Variants in RFX1 observed in about 807,000 individuals in gnomAD.
RFX1 encodes the protein MHC class II regulatory factor RFX1.
Under a neutral mutation model 119.6 loss-of-function variants are expected in RFX1, and 42 were observed. The observed-to-expected ratio is 0.35, with a 90% confidence interval of 0.27 to 0.45. The LOEUF is 0.45. Ranked by LOEUF, RFX1 falls within the 20% of genes least tolerant of loss-of-function variation. The pLI is 1.00. For synonymous variants in RFX1, 628 were observed against 618.5 expected (o/e 1.02, Z -0.23); for missense variants, 1,118 against 1,368.1 (o/e 0.82, Z 2.88).
chr19:13,991,550 C>T (rs1470702092), intron 2 of RFX1, among the ~76,000 whole-genome samples: 1 of 152,208 alleles, frequency 6.6e-6, no homozygotes, highest in African/African-American at 2.4e-5. Flanking sequence ...CGCCCCAAAC[C>T]TCTGCCAGAG....
chr19:13,979,493 T>G lies in RFX1; in HGVS notation c.788A>C (p.Gln263Pro), dbSNP rs1469541067. The stretch of plus-strand genomic sequence containing the variant: ...CTGGAGGCCCTGCACGGTCAGCGGC[T>G]GCACCGGGCCGGGTTTGGGCGCTTG... ...TPQAPKPGPV[Q>P]PLTVQGLQPV... Residue 263 changes from glutamine (Q) to proline (P), a missense_variant, in exon 7 of 21, where the codon CAG (glutamine) becomes CCG (proline). Gln to Pro is a moderately conservative substitution (Grantham distance 76). Transcript: ENST00000254325. The G allele has an allele frequency of 6.2e-7, 1 of 1,603,142 alleles. No individual in the cohort carries two copies. Among genetic ancestry groups the G allele is most frequent in the African/African-American group, 1.3e-5 (1 of 74,504 alleles).
rs1286682270 is a variant in RFX1, at chr19:13,986,269, G to A, written c.320-2674C>T. Among the ~76,000 whole-genome samples the A allele has an allele frequency of 2.0e-5, 3 of 152,136 alleles. No homozygotes were observed. Among genetic ancestry groups the A allele is most frequent in the South Asian group, 2.1e-4 (1 of 4,830 alleles). The stretch of plus-strand genomic sequence containing the variant: ...CCTCTCCAGGGCTCAGGGGCTGGTC[G>A]CTGAGCAGGACCTACAGCAGGAGGA... On this transcript the variant is annotated intron_variant, in intron 2 of 20. Transcript: ENST00000254325. This position sits in a 1 kb window ranked among gnomAD's most constrained non-coding sequence, Gnocchi z 4.2.
intron 3 of RFX1, 43 bp from the exon 4 acceptor site, chr19:13,983,313 A>G (rs1204962938): frequency 2.7e-6 from 4 of 1,496,280 alleles, no homozygotes; most frequent in Non-Finnish European, 3.6e-6. Flanking sequence ...CACTTCCCCC[A>G]GGGAGGCCTG....
chr19:13,995,004 A>G (rs986138946), intron 1 of RFX1, among the ~76,000 whole-genome samples: 8 of 144,038 alleles, frequency 5.6e-5, no homozygotes, highest in Non-Finnish European at 9.0e-5. Context: ...CCTGGGCTCA[A>G]GCAATCCTCC....
intron 1 of RFX1, among the ~76,000 whole-genome samples, chr19:13,996,426 A>T (rs1167340520): frequency 6.6e-6 from 1 of 152,222 alleles, no homozygotes; most frequent in Non-Finnish European, 1.5e-5. Flanking sequence ...ATGTGCCCAG[A>T]TGGCCCTCCA....
chr19:14,004,073 T>G (rs887373377), intron 1 of RFX1, among the ~76,000 whole-genome samples: 4 of 152,120 alleles, frequency 2.6e-5, no homozygotes, highest in African/African-American at 9.7e-5. Flanking sequence ...CACGCCTGGC[T>G]AATTTTTTTA....
At chr19:13,982,300 AG>A in intron 4 of RFX1, 72 bp from the exon 5 acceptor site, 5 of 825,018 alleles carry the variant, frequency 6.1e-6, no homozygotes, top group South Asian at 5.7e-5. Flanking sequence ...GCATCTGCGC[AG>A]TGCCAGGTGA....
Position 13,969,969 on chromosome 19 carries a change from G to A in RFX1, c.1496+25C>T. On this transcript the variant is annotated intron_variant, in intron 10 of 20. Coordinates refer to ENST00000254325, the MANE Select transcript of RFX1 (RefSeq NM_002918.5). The surrounding 1 kb of genome is among the most constrained non-coding windows in gnomAD (Gnocchi z 4.5). The stretch of plus-strand genomic sequence containing the variant: ...CATGCCCACCAATTCCCCAGGGACT[G>A]CTGGGAGTAGACGGATGGCCCTACC... The A allele has an allele frequency of 6.3e-7, 1 of 1,584,190 alleles. No homozygotes were observed. The highest frequency in any genetic ancestry group is 8.6e-7 in the Non-Finnish European group (1 of 1,162,978).
At position 13,969,733 on chromosome 19, in the gene RFX1, G is replaced by A. The variant is rs989941370; in HGVS notation, c.1496+261C>T. On this transcript the variant is annotated intron_variant, in intron 10 of 20. Transcript: ENST00000254325. This position sits in a 1 kb window ranked among gnomAD's most constrained non-coding sequence, Gnocchi z 4.5. ...AAATAAAGCAGGGTTGGGGGGTGTC[G>A]GGCAGGGGAGAGGGGGAGGCTGCAG... The A allele has an allele frequency of 1.6e-5, 7 of 430,168 alleles. No individual in the cohort carries two copies. Among genetic ancestry groups the A allele is most frequent in the Admixed American group, 7.9e-5 (2 of 25,468 alleles). The allele number at this position is 430,168 out of a possible 1,614,324, so 26.6% of individuals were successfully genotyped here.
intron 2 of RFX1, among the ~76,000 whole-genome samples, chr19:13,992,547 C>T (rs1299383499): frequency 6.6e-6 from 1 of 152,204 alleles, no homozygotes; most frequent in Non-Finnish European, 1.5e-5. Context: ...CTGCCCAAAA[C>T]AACAGGGCGG....
rs1973723039 is a variant in RFX1 at position 13,962,513 on chromosome 19, G to A, written c.*182C>T. 5.3e-6 allele frequency: 3 copies of A among 569,754 alleles called. No individual in the cohort carries two copies. Among genetic ancestry groups the A allele is most frequent in the Non-Finnish European group, 9.0e-6 (3 of 333,400 alleles). The allele number at this position is 569,754 out of a possible 1,614,324, so 35.3% of individuals were successfully genotyped here. A position where few individuals can be genotyped will look rare whatever the true frequency, so the allele number is the denominator to read the frequency against. On this transcript the variant is annotated 3_prime_UTR_variant, in exon 21 of 21. Coordinates refer to ENST00000254325, the MANE Select transcript of RFX1 (RefSeq NM_002918.5). ...TTTTGTGTCAGAGTTTGCAGCTGCG[G>A]CTCCGCCCAGCCCACTGATTGTGCC...
At position 13,963,915 on chromosome 19, in the gene RFX1, G is replaced by T; in HGVS notation, c.2304C>A (p.Thr768=). 6.5e-7 allele frequency: 1 copy of T among 1,550,098 alleles called. No homozygotes were observed. ...CGCTCAGCATCTGGTTGATCTGTGC[G>T]GTGTTCTGCAGCACAGCGCGCGCCG... is the stretch of plus-strand genomic sequence containing the variant. ...AQAARAVLQN[T]AQINQMLSDL... The change falls in exon 17 of 21, where the codon ACC becomes ACA. Residue 768 remains threonine (T), a synonymous_variant. Transcript: ENST00000254325.
rs777338298 is a variant in RFX1 at position 13,965,647 on chromosome 19, C to T, written c.2092G>A (p.Asp698Asn). The T allele has an allele frequency of 3.3e-5, 53 of 1,613,466 alleles. No homozygotes were observed. Among genetic ancestry groups the T allele is most frequent in the Non-Finnish European group, 4.2e-5 (50 of 1,179,898 alleles). ...YQGLVEILIP[D>N]VLRPIPSALT... ...TCACTGGGGATGGGCCGCAGCACGTCGGGAATGAGGATTTCCACCAGGCCC... is the reference window on the plus strand; with the variant it reads ...TCACTGGGGATGGGCCGCAGCACGTTGGGAATGAGGATTTCCACCAGGCCC... Residue 698 changes from aspartate (D) to asparagine (N), a missense_variant, in exon 15 of 21, where the codon GAC becomes AAC. This residue lies in a region of RFX1 where 338 missense variants were observed against 508.9 expected (regional missense o/e 0.66). Coordinates refer to ENST00000254325, the MANE Select transcript of RFX1 (RefSeq NM_002918.5). This position sits in a 1 kb window ranked among gnomAD's most constrained non-coding sequence, Gnocchi z 4.7.
At chr19:13,983,129 G>A in intron 4 of RFX1, 58 bp downstream of exon 4, 1 of 1,298,490 alleles carries the variant, frequency 7.7e-7, no homozygotes, top group Non-Finnish European at 1.1e-6. Context: ...GCCACAGGGG[G>A]TTGGTCCTCC....
Position 13,983,573 on chromosome 19 carries a change from C to G in RFX1, c.342G>C (p.Glu114Asp). Residue 114 changes from glutamate (E) to aspartate (D), a missense_variant, in exon 3 of 21, where the codon GAG becomes GAC. Transcript: ENST00000254325. Reference protein sequence around the residue: ...TVSEGAMRASETVSEASPGST... With the variant: ...TVSEGAMRASDTVSEASPGST... ...AGCCGGGGCTGGCCTCCGACACTGT[C>G]TCGCTGGCCCGCATGGCACCTTCTG... The G allele has an allele frequency of 1.2e-6, 2 of 1,607,472 alleles. No homozygotes were observed. Among genetic ancestry groups the G allele is most frequent in the African/African-American group, 1.3e-5 (1 of 75,018 alleles).
chr19:13,971,600 T>C (rs1044300426), intron 9 of RFX1, among the ~76,000 whole-genome samples: 1 of 152,154 alleles, frequency 6.6e-6, no homozygotes, highest in African/African-American at 2.4e-5. Flanking sequence ...TCTGCCCTCA[T>C]TATCTATTCT....
At chr19:13,995,626 G>T (rs950769986) in intron 1 of RFX1, among the ~76,000 whole-genome samples, 2 of 152,122 alleles carry the variant, frequency 1.3e-5, no homozygotes, top group Non-Finnish European at 2.9e-5. Flanking sequence ...CAGGGTGGCT[G>T]GATCACCTGA....
chr19:13,964,093 C>A, intron 16 of RFX1, 86 bp from the exon 17 acceptor site: 1 of 1,361,208 alleles, frequency 7.3e-7, no homozygotes, highest in Non-Finnish European at 9.7e-7. Flanking sequence ...CCTCCCTAAG[C>A]CTGTTTCCTT....
chr19:13,964,656 A>G (rs894536475), intron 16 of RFX1, among the ~76,000 whole-genome samples: 1 of 151,844 alleles, frequency 6.6e-6, no homozygotes, highest in Non-Finnish European at 1.5e-5. Flanking sequence ...TAATTTTTGT[A>G]TTTTTAGTAG....
Sources: gnomAD v4.1 joint callset for allele counts (sites outside exome capture counted in the v4.1 genomes callset) on GRCh38, gnomAD v4.1.1 for gene constraint, gnomAD v4.1.1 regional missense constraint, Gnocchi (gnomAD v3.1) non-coding constraint, MANE v1.5 for transcripts, NCBI Gene and HGNC (gene_info 2026-07-23, HGNC 2026-07-21) for gene names.